Variants in MEGF8 observed in about 807,000 individuals in gnomAD.
MEGF8 encodes multiple epidermal growth factor-like domains protein 8.
In MEGF8, 156 loss-of-function variants were observed where a neutral mutation model predicts 302.9. That is an observed-to-expected ratio of 0.52 (90% CI 0.45 to 0.59). The LOEUF is 0.59. MEGF8 is among the 20% of genes least tolerant of loss of function. The probability of loss-of-function intolerance (pLI) is 0.00; values close to 1 mark genes in which losing one functional copy is unlikely to be tolerated. For missense variants in MEGF8, 3,345 were observed against 3,964.5 expected, an observed-to-expected ratio of 0.84 and a Z score of 4.20; for synonymous variants, 1,621 against 1,660.5, an observed-to-expected ratio of 0.98 and a Z score of 0.58.
intron 3 of MEGF8, 146 bp downstream of exon 3, chr19:42,334,359 C>T (rs140586587): frequency 2.6e-6 from 2 of 775,038 alleles, no homozygotes; most frequent in Non-Finnish European, 4.0e-6. Flanking sequence ...CCCTCTCCTT[C>T]CAGAGCTTGC....
In MEGF8 at chr19:42,343,467, A is replaced by T. The variant is rs1041457334; in HGVS notation, c.1514-10A>T. On this transcript the variant is annotated splice_polypyrimidine_tract_variant and intron_variant, in intron 8 of 41. Transcript: ENST00000251268. Reference sequence around the variant, plus strand: ...GTCTAATAATGTCATTGGGGTCTCTATTCCCCTAGGCCGAGCAGCGCCTCC... The same window carrying T: ...GTCTAATAATGTCATTGGGGTCTCTTTTCCCCTAGGCCGAGCAGCGCCTCC... 5.1e-6 allele frequency: 8 copies of T among 1,582,770 alleles called. No homozygotes were observed. The highest frequency in any genetic ancestry group is 6.9e-6 in the Non-Finnish European group (8 of 1,157,918).
chr19:42,337,048 A>G, intron 7 of MEGF8, 36 bp from the exon 8 acceptor site: 1 of 1,613,158 alleles, frequency 6.2e-7, no homozygotes, highest in East Asian at 2.2e-5. Context: ...CACCTCCCCT[A>G]GGCTTGCCAG....
intron 7 of MEGF8, 61 bp downstream of exon 7, chr19:42,337,013 G>C: frequency 6.2e-7 from 1 of 1,613,192 alleles, no homozygotes; most frequent in Non-Finnish European, 8.5e-7. Context: ...ACCCTGAGCT[G>C]AGGCTCCCTG....
intron 12 of MEGF8, among the ~76,000 whole-genome samples, chr19:42,346,968 G>A (rs1244359041): frequency 8.1e-6 from 1 of 123,472 alleles, no homozygotes; most frequent in Non-Finnish European, 1.6e-5. Flanking sequence ...CTGGGTGACA[G>A]AGAGAGACTC....
rs1445386980 is a variant in MEGF8 at position 42,344,890 on chromosome 19, T to C, written c.2097+57T>C. ...TTGATGATCCTGATCCTAGGGTTTG[T>C]TTTTTCTCAAATGCATCTTTATCAC... On this transcript the variant is annotated intron_variant, in intron 12 of 41. Transcript: ENST00000251268. This position sits in a 1 kb window ranked among gnomAD's most constrained non-coding sequence, Gnocchi z 4.5. The C allele has an allele frequency of 1.9e-5, 28 of 1,454,752 alleles. No individual in the cohort carries two copies. Among genetic ancestry groups the C allele is most frequent in the Non-Finnish European group, 2.0e-5 (22 of 1,095,172 alleles). 90.1% of individuals were successfully genotyped at this position (1,454,752 alleles called of 1,614,324 possible).
At position 42,350,200 on chromosome 19, in the gene MEGF8, A is replaced by T. The variant is rs1249769083; in HGVS notation, c.2552A>T (p.Tyr851Phe). The change falls in exon 15 of 42, where the codon TAT (tyrosine) becomes TTT (phenylalanine). Residue 851 changes from tyrosine (Y) to phenylalanine (F), a missense_variant. Coordinates refer to ENST00000251268, the MANE Select transcript of MEGF8 (RefSeq NM_001271938.2). ...EPYRSSSCTS[Y>F]SSCLGCLADQ... ...TACCGCTCGTCGTCCTGCACCTCCT[A>T]TTCTTCCTGCCTGGGCTGCTTGGCA... 7 of 1,613,458 alleles carry T rather than the reference A, an allele frequency of 4.3e-6. No individual in the cohort carries two copies. The highest frequency in any genetic ancestry group is 5.9e-6 in the Non-Finnish European group (7 of 1,179,748).
At chr19:42,328,042 T>A (rs1356035778) in intron 1 of MEGF8, among the ~76,000 whole-genome samples, 1 of 152,150 alleles carries the variant, frequency 6.6e-6, no homozygotes, top group Non-Finnish European at 1.5e-5. Context: ...GAGCCAATAT[T>A]GTGCCACTAC....
rs767882833 is a variant in MEGF8, at chr19:42,349,704, G to A, written c.2499+5G>A. 2 of 1,610,904 alleles carry A rather than the reference G, an allele frequency of 1.2e-6. No individual in the cohort carries two copies. The highest frequency in any genetic ancestry group is 1.7e-6 in the Non-Finnish European group (2 of 1,179,396). ...ACTGGTGTGCCAGGAGGCAGCGTGAGTACCCAGGACCTACCTCCAACCCTA... is the reference window on the plus strand; with the variant it reads ...ACTGGTGTGCCAGGAGGCAGCGTGAATACCCAGGACCTACCTCCAACCCTA... On this transcript the variant is annotated splice_donor_5th_base_variant and intron_variant, in intron 14 of 41. Transcript: ENST00000251268.
In MEGF8 at chr19:42,369,144, G is replaced by C. The variant is rs2039649387; in HGVS notation, c.6641+142G>C. The C allele has an allele frequency of 8.7e-7, 1 of 1,155,538 alleles. No individual in the cohort carries two copies. The highest frequency in any genetic ancestry group is 2.5e-5 in the East Asian group (1 of 39,236). 71.6% of individuals were successfully genotyped at this position (1,155,538 alleles called of 1,614,324 possible). A position where few individuals can be genotyped will look rare whatever the true frequency, so the allele number is the denominator to read the frequency against. The stretch of plus-strand genomic sequence containing the variant: ...AAGGCAGTGGGATTGATTCCTGAAG[G>C]TCAAGAGTGGTGAGGCTGAGCAGGG... On this transcript the variant is annotated intron_variant, in intron 37 of 41. Coordinates refer to ENST00000251268, the MANE Select transcript of MEGF8 (RefSeq NM_001271938.2). The surrounding 1 kb of genome is among the most constrained non-coding windows in gnomAD (Gnocchi z 5.7).
In MEGF8 at chr19:42,354,678, G is replaced by C; in HGVS notation, c.4102G>C (p.Gly1368Arg). 3 of 1,610,604 alleles carry C rather than the reference G, an allele frequency of 1.9e-6. No homozygotes were observed. The highest frequency in any genetic ancestry group is 2.5e-6 in the Non-Finnish European group (3 of 1,179,776). Residue 1368 changes from glycine to arginine, a missense_variant, in exon 23 of 42, where the codon GGC (glycine) becomes CGC (arginine). Physicochemically the swap from Gly to Arg is moderately radical, Grantham distance 125. Coordinates refer to ENST00000251268, the MANE Select transcript of MEGF8 (RefSeq NM_001271938.2). This position sits in a 1 kb window ranked among gnomAD's most constrained non-coding sequence, Gnocchi z 4.3. ...CCGCAGCCTCATAGCTGCCTTCTGCGGCCAGCGACGGGACAGGCCCCTCAC... is the reference window on the plus strand; with the variant it reads ...CCGCAGCCTCATAGCTGCCTTCTGCCGCCAGCGACGGGACAGGCCCCTCAC... ...SDRSLIAAFC[G>R]QRRDRPLTVQ... is the part of the protein sequence containing the mutation.
chr19:42,348,238 G>A (rs900239374), intron 12 of MEGF8, 34 bp from the exon 13 acceptor site: 3 of 1,508,920 alleles, frequency 2.0e-6, no homozygotes, highest in African/African-American at 2.8e-5. Flanking sequence ...GTCCAGAAAG[G>A]GACTCACACA....
In MEGF8 at chr19:42,375,725, C is replaced by T. The variant is rs776570913; in HGVS notation, c.7488C>T (p.Thr2496=). 6.2e-7 allele frequency: 1 copy of T among 1,612,092 alleles called. No homozygotes were observed. The highest frequency in any genetic ancestry group is 2.2e-5 in the East Asian group (1 of 44,844). ...NVDIRLTLDV[T]FGAVDLYVST... is the part of the protein sequence containing the mutation. ...ACATCCGCCTGACGCTGGACGTGACCTTCGGGGCCGTGGACCTCTATGTCT... is the reference window on the plus strand; with the variant it reads ...ACATCCGCCTGACGCTGGACGTGACTTTCGGGGCCGTGGACCTCTATGTCT... The change falls in exon 42 of 42, where the codon ACC becomes ACT. Residue 2496 remains threonine, a synonymous_variant. Transcript: ENST00000251268. This position sits in a 1 kb window ranked among gnomAD's most constrained non-coding sequence, Gnocchi z 7.1.
intron 1 of MEGF8, among the ~76,000 whole-genome samples, chr19:42,332,653 A>G (rs914025001): frequency 4.6e-5 from 7 of 152,236 alleles, no homozygotes; most frequent in African/African-American, 1.7e-4. Flanking sequence ...GGTGTGAGCC[A>G]CCGTGCCCAG....
Position 42,357,409 on chromosome 19 carries a change from C to A in MEGF8, c.4836C>A (p.Pro1612=), listed in dbSNP as rs2039468237. Residue 1612 remains proline, a synonymous_variant, in exon 28 of 42, where the codon CCC becomes CCA. Coordinates refer to ENST00000251268, the MANE Select transcript of MEGF8 (RefSeq NM_001271938.2). The surrounding 1 kb of genome is among the most constrained non-coding windows in gnomAD (Gnocchi z 5.2). ...TTLQWRQEKA[P]QTVELPAVAG... is the part of the protein sequence containing the mutation. ...CTTGCCCCTCCATCCCTCAGGCCCC[C>A]CAGACCGTGGAGCTGCCAGCCGTTG... is the stretch of plus-strand genomic sequence containing the variant. 1 of 1,613,080 alleles carries A rather than the reference C, an allele frequency of 6.2e-7. No individual in the cohort carries two copies. The highest frequency in any genetic ancestry group is 1.3e-5 in the African/African-American group (1 of 75,024).
At position 42,350,373 on chromosome 19, in the gene MEGF8, G is replaced by A. The variant is rs760736368; in HGVS notation, c.2725G>A (p.Ala909Thr). 8.4e-6 allele frequency: 13 copies of A among 1,553,382 alleles called. No individual in the cohort carries two copies. Among genetic ancestry groups the A allele is most frequent in the South Asian group, 2.3e-5 (2 of 85,216 alleles). The part of the protein sequence containing the change: ...PLCEEHRDCH[A>T]CTQDPFCEWH... ...CTGCGAGGAGCATCGGGACTGCCAC[G>A]CCTGCACCCAGGTGCCTGTGGGGCC... The change falls in exon 15 of 42, where the codon GCC becomes ACC. Residue 909 changes from alanine (A) to threonine (T), a missense_variant. Transcript: ENST00000251268.
Position 42,351,403 on chromosome 19 carries a change from A to T in MEGF8, c.2856-26A>T. On this transcript the variant is annotated intron_variant, in intron 16 of 41. Transcript: ENST00000251268. This position sits in a 1 kb window ranked among gnomAD's most constrained non-coding sequence, Gnocchi z 5.6. ...GGGGATGTGTGCTGGCTGTGGAGTG[A>T]CCTGGCCCCCTGCTCCCCACCCCAG... is the stretch of plus-strand genomic sequence containing the variant. The T allele has an allele frequency of 6.3e-7, 1 of 1,581,528 alleles. No individual in the cohort carries two copies. Among genetic ancestry groups the T allele is most frequent in the Non-Finnish European group, 8.6e-7 (1 of 1,164,298 alleles).
intron 12 of MEGF8, among the ~76,000 whole-genome samples, chr19:42,347,112 C>T (rs964742407): frequency 1.3e-5 from 2 of 151,936 alleles, no homozygotes; most frequent in Admixed American, 6.6e-5. Flanking sequence ...ATGGCTGCAA[C>T]TTAAGGCCAC....
rs371669595 is a variant in MEGF8, at chr19:42,375,487, G to A, written c.7270-20G>A. The A allele has an allele frequency of 3.2e-6, 5 of 1,548,664 alleles. No homozygotes were observed. Among genetic ancestry groups the A allele is most frequent in the Non-Finnish European group, 4.4e-6 (5 of 1,147,852 alleles). On this transcript the variant is annotated intron_variant, in intron 41 of 41. Transcript: ENST00000251268. This position sits in a 1 kb window ranked among gnomAD's most constrained non-coding sequence, Gnocchi z 7.1. ...ACCGCACTCAGCCCTGATGGTCACC[G>A]CCTCTAACCCTGCCCGCAGTGCGCC...
rs755196872 is a variant in MEGF8 at position 42,356,324 on chromosome 19, C to T, written c.4504-11C>T. On this transcript the variant is annotated splice_polypyrimidine_tract_variant and intron_variant, in intron 25 of 41. Transcript: ENST00000251268. The surrounding 1 kb of genome is among the most constrained non-coding windows in gnomAD (Gnocchi z 5.2). Reference sequence around the variant, plus strand: ...CCTAGCCTGATCCCCAATGTCCGCACCCACCCCTAGGACACTGCCAGCCGC... The same window carrying T: ...CCTAGCCTGATCCCCAATGTCCGCATCCACCCCTAGGACACTGCCAGCCGC... The T allele has an allele frequency of 3.7e-6, 6 of 1,608,722 alleles. No individual in the cohort carries two copies. The Admixed American group carries it at 6.7e-5, about 18-fold the overall frequency.
Sources: gnomAD v4.1 joint callset for allele counts (sites outside exome capture counted in the v4.1 genomes callset) on GRCh38, gnomAD v4.1.1 for gene constraint, Gnocchi (gnomAD v3.1) non-coding constraint, MANE v1.5 for transcripts, NCBI Gene and HGNC (gene_info 2026-07-23, HGNC 2026-07-21) for gene names.